The following STX18 variants were observed in gnomAD, a reference collection of about 807,000 sequenced individuals.
The protein encoded by STX18 is syntaxin 18.
Under a neutral mutation model 50.1 loss-of-function variants are expected in STX18, and 40 were observed. The observed-to-expected ratio is 0.80, with a 90% CI of 0.62 to 1.04. The LOEUF is 1.04. Among genes scored for constraint, STX18 ranks in the 50% least tolerant of loss-of-function variants. The probability of loss-of-function intolerance (pLI) is 0.00; values close to 1 mark genes in which losing one functional copy is unlikely to be tolerated. For missense variants in STX18, 410 were observed against 415.8 expected (o/e 0.99, Z 0.12); for synonymous variants, 158 against 151.8 (o/e 1.04, Z -0.30).
At chr4:4,447,451 C>T (rs964088845) in intron 5 of STX18, among the ~76,000 whole-genome samples, 2 of 151,404 alleles carry the variant, frequency 1.3e-5, no homozygotes, top group South Asian at 2.1e-4. Flanking sequence ...ATTAGCCGGG[C>T]GTGGTAGCGG....
intron 1 of STX18, among the ~76,000 whole-genome samples, chr4:4,527,152 G>T (rs775921609): frequency 3.3e-5 from 5 of 152,178 alleles, no homozygotes; most frequent in Non-Finnish European, 7.3e-5. Context: ...ATTTCAAGAG[G>T]TAGAGCTAGC....
At chr4:4,462,584 G>A (rs191550027) in intron 2 of STX18, among the ~76,000 whole-genome samples, 64 of 152,114 alleles carry the variant, frequency 4.2e-4, no homozygotes, top group Non-Finnish European at 1.3e-4. Context: ...GTTTCTAGCT[G>A]GGTATCATGT....
intron 1 of STX18, among the ~76,000 whole-genome samples, chr4:4,489,051 AT>A (rs961145267): frequency 6.6e-6 from 1 of 151,900 alleles, no homozygotes; most frequent in Non-Finnish European, 1.5e-5. Context: ...ACTCAAACTG[AT>A]TTTTTTTCTC....
rs148408815 is a variant in STX18 at position 4,453,037 on chromosome 4, T to C, written c.497+4154A>G. ...AATCTCACGATCACACTTGAATGGA[T>C]AGAAGCTGCTTATTATGGATGAACC... On this transcript the variant is annotated intron_variant, in intron 5 of 10. Coordinates refer to ENST00000306200, the MANE Select transcript of STX18 (RefSeq NM_016930.4). 6.0e-4 allele frequency among the ~76,000 whole-genome samples: 92 copies of C among 152,292 alleles called. 1 individual carries two copies. Among genetic ancestry groups the C allele is most frequent in the African/African-American group, 2.0e-3 (84 of 41,552 alleles).
At chr4:4,483,728 C>G (rs969757684) in intron 1 of STX18, among the ~76,000 whole-genome samples, 2 of 152,198 alleles carry the variant, frequency 1.3e-5, no homozygotes, top group Non-Finnish European at 2.9e-5. Context: ...CACCCACTGC[C>G]TCTCCCTGGC....
chr4:4,470,447 C>T (rs1212233846), intron 2 of STX18, among the ~76,000 whole-genome samples: 1 of 152,146 alleles, frequency 6.6e-6, no homozygotes, highest in Admixed American at 6.5e-5. Flanking sequence ...CAAGTATTTA[C>T]TGAGTGCCAA....
At chr4:4,437,687 C>A in intron 6 of STX18, 1 of 920,766 alleles carries the variant, frequency 1.1e-6, no homozygotes, top group Admixed American at 6.2e-5. Flanking sequence ...ACTCCCAGGT[C>A]TCTCCTGGCT....
chr4:4,449,739 C>A (rs939874485), intron 5 of STX18, among the ~76,000 whole-genome samples: 2 of 152,218 alleles, frequency 1.3e-5, no homozygotes, highest in African/African-American at 4.8e-5. Flanking sequence ...CCAGGGGGAG[C>A]AGTGCTTTGA....
At chr4:4,511,712 TAGTGTGTG>T (rs1730011956) in intron 1 of STX18, among the ~76,000 whole-genome samples, 1 of 99,764 alleles carries the variant, frequency 1.0e-5, no homozygotes, top group African/African-American at 3.9e-5. Context: ...CACTCATGAT[TAGTGTGTG>T]TGTGTGTGTG....
Position 4,420,118 on chromosome 4 carries a change from G to A in STX18, c.924C>T (p.Asn308=). 1 of 1,611,572 alleles carries A rather than the reference G, an allele frequency of 6.2e-7. No individual in the cohort carries two copies. ...GGATCCACACGCGGAAGCCAGCGTT[G>A]TTTTTAATGGCCTGGGCAGGGACGG... ...GNEDIREAIK[N]NAGFRVWILF... is the part of the protein sequence containing the mutation. Residue 308 remains asparagine (N), a synonymous_variant, in exon 11 of 11, where the codon AAC becomes AAT. Transcript: ENST00000306200. The surrounding 1 kb of genome is among the most constrained non-coding windows in gnomAD (Gnocchi z 4.3).
chr4:4,496,719 CCTTTCT>C (rs1304391832), intron 1 of STX18, among the ~76,000 whole-genome samples: 1 of 152,202 alleles, frequency 6.6e-6, no homozygotes, highest in Non-Finnish European at 1.5e-5. Flanking sequence ...TCTCTCTAAT[CCTTTCT>C]ATGCTAAACA....
intron 2 of STX18, among the ~76,000 whole-genome samples, chr4:4,469,147 C>T (rs1157246994): frequency 6.6e-6 from 1 of 152,156 alleles, no homozygotes; most frequent in Non-Finnish European, 1.5e-5. Flanking sequence ...TGAGGGAAAC[C>T]GAGCCATATG....
chr4:4,527,817 TATA>T (rs1005131840), intron 1 of STX18, among the ~76,000 whole-genome samples: 4 of 147,390 alleles, frequency 2.7e-5, no homozygotes, highest in Non-Finnish European at 6.0e-5. Flanking sequence ...TTTATATATA[TATA>T]ATTTTATATA....
intron 5 of STX18, among the ~76,000 whole-genome samples, chr4:4,446,539 A>G (rs1387890908): frequency 6.6e-6 from 1 of 152,270 alleles, no homozygotes; most frequent in Non-Finnish European, 1.5e-5. Context: ...TGAATAGTCA[A>G]TCAACACATG....
intron 1 of STX18, among the ~76,000 whole-genome samples, chr4:4,473,269 T>C (rs1728013079): frequency 6.6e-6 from 1 of 151,794 alleles, no homozygotes; most frequent in African/African-American, 2.4e-5. Context: ...GCTTTCCACT[T>C]AGGCTGCATC....
At chr4:4,533,942 T>A (rs1349570510) in intron 1 of STX18, among the ~76,000 whole-genome samples, 3 of 152,226 alleles carry the variant, frequency 2.0e-5, no homozygotes, top group African/African-American at 7.2e-5. Flanking sequence ...ATGAGTTTCA[T>A]TCAAGAATAA....
chr4:4,426,910 C>T (rs1421082186), intron 7 of STX18, among the ~76,000 whole-genome samples: 1 of 152,194 alleles, frequency 6.6e-6, no homozygotes, highest in Non-Finnish European at 1.5e-5. Flanking sequence ...CTCTGACAGG[C>T]TAGTTTCCTG....
chr4:4,526,368 G>C (rs1730757905), intron 1 of STX18, among the ~76,000 whole-genome samples: 1 of 152,306 alleles, frequency 6.6e-6, no homozygotes, highest in African/African-American at 2.4e-5. Context: ...GTGGAACACA[G>C]TGTCTATCTT....
intron 5 of STX18, among the ~76,000 whole-genome samples, chr4:4,446,857 C>T (rs1726435072): frequency 6.6e-6 from 1 of 152,236 alleles, no homozygotes; most frequent in South Asian, 2.1e-4. Context: ...TTACAGCAGC[C>T]TTATCCATCA....
Sources: gnomAD v4.1 joint callset for allele counts (sites outside exome capture counted in the v4.1 genomes callset) on GRCh38, gnomAD v4.1.1 for gene constraint, Gnocchi (gnomAD v3.1) non-coding constraint, MANE v1.5 for transcripts, NCBI Gene and HGNC (gene_info 2026-07-23, HGNC 2026-07-21) for gene names.